Variants in MVP observed in about 807,000 individuals in gnomAD.
The protein encoded by MVP is lung resistance-related protein.
In MVP, 62 loss-of-function variants were observed where a neutral mutation model predicts 83.5. That is an observed-to-expected ratio of 0.74 (90% CI 0.61 to 0.92). The LOEUF is 0.92. MVP is among the 40% of genes least tolerant of loss of function. The pLI is 0.00. For missense variants in MVP, 1,000 were observed against 1,203.4 expected (o/e 0.83, Z 2.50); for synonymous variants, 505 against 504.1 (o/e 1.00, Z -0.02).
At chr16:29,830,061 C>T (rs1266597237) in intron 1 of MVP, 2 of 156,150 alleles carry the variant, frequency 1.3e-5, no homozygotes, top group Non-Finnish European at 2.8e-5. Flanking sequence ...CTGCCTCCCT[C>T]TGGAGGAGCC....
At chr16:29,840,544 A>T in intron 8 of MVP, 85 bp downstream of exon 8, 1 of 1,458,800 alleles carries the variant, frequency 6.9e-7, no homozygotes, top group Non-Finnish European at 9.2e-7. Context: ...AGAGGTGGGC[A>T]GGGACTTCAG....
At chr16:29,831,872 C>T (rs1407858355) in intron 3 of MVP, 1 of 359,900 alleles carries the variant, frequency 2.8e-6, no homozygotes, top group African/African-American at 2.1e-5. Context: ...AGGTGGGTGT[C>T]CCACCTTCAT....
At chr16:29,844,469 C>A (rs1357375192) in intron 10 of MVP, 24 bp from the exon 11 acceptor site, 1 of 1,519,432 alleles carries the variant, frequency 6.6e-7, no homozygotes, top group South Asian at 1.3e-5. Flanking sequence ...GCAGCTTCCC[C>A]ATTCTGGGCC....
At chr16:29,826,103 C>G (rs2067402961) in intron 1 of MVP, 1 of 152,212 alleles carries the variant, frequency 6.6e-6, no homozygotes, top group Admixed American at 6.5e-5. Flanking sequence ...GTGGGGAGCC[C>G]CCAGCACTGG....
chr16:29,844,554 G>C lies in MVP; in HGVS notation c.1696G>C (p.Asp566His). The change falls in exon 11 of 15, where the codon GAC (aspartate) becomes CAC (histidine). Residue 566 changes from aspartate (D) to histidine (H), a missense_variant. Transcript: ENST00000357402. ...QETAKLFSVPDFVGDACKAIA... is the reference protein window; with the variant it reads ...QETAKLFSVPHFVGDACKAIA... Reference sequence around the variant, plus strand: ...GACGGCCAAGCTCTTTTCAGTGCCAGACTTTGTAGGTGATGCCTGCAAAGC... The same window carrying C: ...GACGGCCAAGCTCTTTTCAGTGCCACACTTTGTAGGTGATGCCTGCAAAGC... The C allele has an allele frequency of 6.3e-7, 1 of 1,598,024 alleles. No homozygotes were observed. The highest frequency in any genetic ancestry group is 8.5e-7 in the Non-Finnish European group (1 of 1,171,274).
In MVP at chr16:29,841,654, AAG is replaced by A; in HGVS notation, c.1253_1254del (p.Glu418AlafsTer21). 6.2e-7 allele frequency: 1 copy of A among 1,611,904 alleles called. No individual in the cohort carries two copies. Among genetic ancestry groups the A allele is most frequent in the Non-Finnish European group, 8.5e-7 (1 of 1,179,398 alleles). On this transcript the variant is annotated frameshift_variant, in exon 9 of 15. Transcript: ENST00000357402. LOFTEE classifies it high-confidence loss of function. The surrounding 1 kb of genome is among the most constrained non-coding windows in gnomAD (Gnocchi z 4.7). ...ACCCAGGACGAAGTCCTGTGGGAGA[AAG>A]AGCTGCCTCCCGGGGTGGAGGAGCT...
intron 1 of MVP, among the ~76,000 whole-genome samples, chr16:29,822,275 T>TGGCTG (rs955460153): frequency 6.6e-6 from 1 of 151,218 alleles, no homozygotes; most frequent in African/African-American, 2.4e-5. Flanking sequence ...AAGTCTAGGC[T>TGGCTG]GGCTGAGCTG....
At position 29,834,061 on chromosome 16, in the gene MVP, T is replaced by A; in HGVS notation, c.572T>A (p.Val191Glu). 1.9e-6 allele frequency: 3 copies of A among 1,612,512 alleles called. No individual in the cohort carries two copies. Among genetic ancestry groups the A allele is most frequent in the Non-Finnish European group, 2.5e-6 (3 of 1,179,548 alleles). ...ECWDRDGKERVTGEEWLVTTV... is the reference protein window; with the variant it reads ...ECWDRDGKERETGEEWLVTTV... The stretch of plus-strand genomic sequence containing the variant: ...TGGGACCGGGACGGCAAGGAGAGGG[T>A]GACAGGTGGGGTCACCAAGGGGCGA... The change falls in exon 5 of 15, where the codon GTG becomes GAG. Residue 191 changes from valine (V) to glutamate (E), a missense_variant. Val to Glu is a moderately radical substitution (Grantham distance 121, BLOSUM62 -2). Coordinates refer to ENST00000357402, the MANE Select transcript of MVP (RefSeq NM_005115.5).
At chr16:29,839,563 G>C (rs115849251) in intron 7 of MVP, among the ~76,000 whole-genome samples, 2 of 151,754 alleles carry the variant, frequency 1.3e-5, no homozygotes, top group Admixed American at 6.6e-5. Flanking sequence ...TGGGTAGATC[G>C]CTTGAGTCTA....
intron 13 of MVP, 144 bp from the exon 14 acceptor site, chr16:29,847,052 TG>T: frequency 2.4e-6 from 2 of 833,588 alleles, no homozygotes; most frequent in Non-Finnish European, 3.8e-6. Context: ...TGACTGGGTG[TG>T]GTGGCACATG....
In MVP at chr16:29,837,508, C is replaced by A. The variant is rs1358693859; in HGVS notation, c.909+550C>A. On this transcript the variant is annotated intron_variant, in intron 7 of 14. Transcript: ENST00000357402. ...GTGGCTCATACGTGTAATCCCAGCACTTTGGGAGGCCGAGGCAGGTGGATC... is the reference window on the plus strand; with the variant it reads ...GTGGCTCATACGTGTAATCCCAGCAATTTGGGAGGCCGAGGCAGGTGGATC... 2.6e-5 allele frequency among the ~76,000 whole-genome samples: 4 copies of A among 152,286 alleles called. No homozygotes were observed. The East Asian group carries it at 7.7e-4, about 29-fold the overall frequency.
In MVP at chr16:29,847,971, G is replaced by A. The variant is rs193113300; in HGVS notation, c.2664G>A (p.Val888=). 1.2e-5 allele frequency: 20 copies of A among 1,609,396 alleles called. No homozygotes were observed. In the East Asian group the frequency reaches 4.2e-4, roughly 34 times the overall value. The change falls in exon 15 of 15, where the codon GTG becomes GTA. Residue 888 remains valine, a synonymous_variant. Transcript: ENST00000357402. ...CTCAAGCTCCTGGAGACAACCACGTGGTGCCTGTACTGCGCTAACTCCTGA... is the reference window on the plus strand; with the variant it reads ...CTCAAGCTCCTGGAGACAACCACGTAGTGCCTGTACTGCGCTAACTCCTGA... ...QAPQAPGDNH[V]VPVLR
chr16:29,823,941 A>G (rs1181097164), intron 1 of MVP, among the ~76,000 whole-genome samples: 1 of 151,818 alleles, frequency 6.6e-6, no homozygotes, highest in Admixed American at 6.6e-5. Flanking sequence ...GTGGCTTTAA[A>G]AAAAGGTCTC....
At chr16:29,831,695 G>A (rs1449090464) in intron 3 of MVP, 1 of 456,114 alleles carries the variant, frequency 2.2e-6, no homozygotes, top group Admixed American at 2.3e-5. Flanking sequence ...AATGACATGT[G>A]CCAAGGTTAA....
At position 29,826,649 on chromosome 16, in the gene MVP, G is replaced by A. The variant is rs187349425; in HGVS notation, c.-35-3866G>A. On this transcript the variant is annotated intron_variant, in intron 1 of 14. Coordinates refer to ENST00000357402, the MANE Select transcript of MVP (RefSeq NM_005115.5). Reference sequence around the variant, plus strand: ...AAAAAAAAAAAAAAAAAGGCCGGGCGTGGTGGCTCACGCCTGTAATCCTAG... The same window carrying A: ...AAAAAAAAAAAAAAAAAGGCCGGGCATGGTGGCTCACGCCTGTAATCCTAG... Among the ~76,000 whole-genome samples the A allele has an allele frequency of 2.6e-3, 396 of 149,820 alleles. 13 individuals are homozygous for A. In the East Asian group the frequency reaches 0.063, roughly 24 times the overall value.
intron 1 of MVP, among the ~76,000 whole-genome samples, chr16:29,828,743 G>C (rs919652171): frequency 1.3e-5 from 2 of 152,226 alleles, no homozygotes; most frequent in African/African-American, 4.8e-5. Flanking sequence ...GCAGCAGGGG[G>C]TGGTGGGGAC....
At chr16:29,827,845 G>A (rs2067415109) in intron 1 of MVP, among the ~76,000 whole-genome samples, 1 of 152,206 alleles carries the variant, frequency 6.6e-6, no homozygotes, top group Non-Finnish European at 1.5e-5. Context: ...GAGCCTGGAG[G>A]TTGAGGCTGC....
At chr16:29,834,137 G>T in intron 5 of MVP, 71 bp downstream of exon 5, 2 of 1,566,430 alleles carry the variant, frequency 1.3e-6, no homozygotes, top group Admixed American at 1.9e-5. Context: ...GCAGGGGAAG[G>T]TTGAGGAAAG....
intron 5 of MVP, 159 bp downstream of exon 5, chr16:29,834,225 C>A: frequency 1.0e-6 from 1 of 988,718 alleles, no homozygotes; most frequent in South Asian, 1.7e-5. Flanking sequence ...CTTCCTTCCC[C>A]ACCCCCGCTT....
Sources: allele counts gnomAD v4.1 joint callset (sites outside exome capture counted in the v4.1 genomes callset), GRCh38; gene constraint gnomAD v4.1.1; non-coding constraint Gnocchi (gnomAD v3.1); transcripts MANE v1.5; gene names NCBI Gene and HGNC (gene_info 2026-07-23, HGNC 2026-07-21).